The following GALNT9 variants were observed in gnomAD, a reference collection of about 807,000 sequenced individuals.
The protein encoded by GALNT9 is GalNAc transferase 9.
In GALNT9, 47 loss-of-function variants were observed where a neutral mutation model predicts 63.1. The observed-to-expected ratio is 0.75, with a 90% CI of 0.59 to 0.95. The LOEUF (loss-of-function observed/expected upper bound fraction) is 0.95. Ranked by LOEUF, GALNT9 falls within the 40% of genes least tolerant of loss-of-function variation. The probability of loss-of-function intolerance (pLI) is 0.00; values close to 1 mark genes in which losing one functional copy is unlikely to be tolerated. For synonymous variants in GALNT9, 396 were observed against 365.7 expected, an observed-to-expected ratio of 1.08 and a Z score of -0.94; for missense variants, 829 against 874.8, an observed-to-expected ratio of 0.95 and a Z score of 0.66.
chr12:132,213,220 G>T, intron 6 of GALNT9, among the ~76,000 whole-genome samples: 1 of 42,024 alleles, frequency 2.4e-5, no homozygotes, highest in South Asian at 9.3e-4. Flanking sequence ...ACCCCACCCG[G>T]TTCTGCAGCC....
intron 2 of GALNT9, among the ~76,000 whole-genome samples, chr12:132,264,440 G>T (rs1332083886): frequency 6.6e-6 from 1 of 152,248 alleles, no homozygotes; most frequent in South Asian, 2.1e-4. Flanking sequence ...GTTTGGTTTC[G>T]GGCCCGGCTT....
chr12:132,239,166 G>T (rs1304554963), intron 6 of GALNT9, among the ~76,000 whole-genome samples: 2 of 143,834 alleles, frequency 1.4e-5, no homozygotes, highest in Non-Finnish European at 3.0e-5. Context: ...ACATCTGTCA[G>T]AACCCAGGAG....
In GALNT9 at chr12:132,199,791, G is replaced by A. The variant is rs111231945; in HGVS notation, c.1402-522C>T. Among the ~76,000 whole-genome samples the A allele has an allele frequency of 2.5e-3, 378 of 152,344 alleles. 3 individuals are homozygous for A. Among genetic ancestry groups the A allele is most frequent in the African/African-American group, 8.7e-3 (360 of 41,580 alleles). ...CTCCAGCCTCCAGAACAGGCCCATC[G>A]GAGATCAGCACAGCCTGGATCAGGC... On this transcript the variant is annotated intron_variant, in intron 8 of 10. Transcript: ENST00000328957.
At chr12:132,207,690 G>A (rs974001297) in intron 6 of GALNT9, among the ~76,000 whole-genome samples, 7 of 152,168 alleles carry the variant, frequency 4.6e-5, no homozygotes, top group South Asian at 2.1e-4. Flanking sequence ...TGTCACAGCC[G>A]GGGACTGGGC....
chr12:132,311,078 C>T (rs549401270), intron 1 of GALNT9, among the ~76,000 whole-genome samples: 7 of 152,174 alleles, frequency 4.6e-5, no homozygotes, highest in Non-Finnish European at 8.8e-5. Context: ...TGGATTTAAA[C>T]AACAACATCA....
chr12:132,258,894 A>G (rs894211739), intron 4 of GALNT9, among the ~76,000 whole-genome samples: 1 of 152,204 alleles, frequency 6.6e-6, no homozygotes, highest in Non-Finnish European at 1.5e-5. Context: ...CCACTGGCTG[A>G]CACAGAGCCC....
chr12:132,302,967 A>AC (rs35765362), intron 1 of GALNT9, among the ~76,000 whole-genome samples: 54,080 of 151,840 alleles, frequency 0.36, 9,741 homozygotes, highest in Non-Finnish European at 0.38. Flanking sequence ...GTGACCGTCT[A>AC]AGGGGGGCGA....
chr12:132,253,105 T>C (rs912229716), intron 5 of GALNT9, among the ~76,000 whole-genome samples: 6 of 152,196 alleles, frequency 3.9e-5, no homozygotes, highest in African/African-American at 1.4e-4. Flanking sequence ...TATGCACTTA[T>C]AAGAAAGATC....
At chr12:132,280,893 TAA>T (rs1880311759) in intron 2 of GALNT9, 1 of 152,320 alleles carries the variant, frequency 6.6e-6, no homozygotes, top group South Asian at 2.1e-4. Context: ...TAAAGAGACT[TAA>T]CCTTTCCTGC....
At chr12:132,207,907 C>A (rs1876790962) in intron 6 of GALNT9, among the ~76,000 whole-genome samples, 1 of 152,144 alleles carries the variant, frequency 6.6e-6, no homozygotes, top group African/African-American at 2.4e-5. Context: ...ACAAGACAGC[C>A]CCCACCCCCC....
Position 132,236,633 on chromosome 12 carries a change from C to A in GALNT9, c.1077+11277G>T, listed in dbSNP as rs2136894864. ...TTCAAGAGTCCACCCTTATCTGTACCTGGTTAAAATAATCAGCGAAAACCA... is the reference window on the plus strand; with the variant it reads ...TTCAAGAGTCCACCCTTATCTGTACATGGTTAAAATAATCAGCGAAAACCA... On this transcript the variant is annotated intron_variant, in intron 6 of 10. Coordinates refer to ENST00000328957, the MANE Select transcript of GALNT9 (RefSeq NM_001122636.2). This position sits in a 1 kb window ranked among gnomAD's most constrained non-coding sequence, Gnocchi z 5.6. Among the ~76,000 whole-genome samples the A allele has an allele frequency of 6.6e-6, 1 of 152,136 alleles. No individual in the cohort carries two copies.
Position 132,316,067 on chromosome 12 carries a change from T to C in GALNT9, c.238+12899A>G, listed in dbSNP as rs1287989236. The stretch of plus-strand genomic sequence containing the variant: ...CCCCCTCACGCCTGCAGGTCTTGGG[T>C]TCCGTCATGTTTCCTCATCAGCCTT... On this transcript the variant is annotated intron_variant, in intron 1 of 10. Transcript: ENST00000328957. The surrounding 1 kb of genome is among the most constrained non-coding windows in gnomAD (Gnocchi z 4.3). 1.3e-5 allele frequency among the ~76,000 whole-genome samples: 2 copies of C among 152,004 alleles called. No homozygotes were observed. The highest frequency in any genetic ancestry group is 2.9e-5 in the Non-Finnish European group (2 of 67,996).
chr12:132,240,817 CA>C (rs2136899640), intron 6 of GALNT9: 29 of 417,462 alleles, frequency 6.9e-5, no homozygotes, highest in Non-Finnish European at 1.3e-4. Context: ...ACACCCTTCC[CA>C]AGGCCGTCCC....
chr12:132,199,085 G>T, intron 9 of GALNT9, 89 bp downstream of exon 9: 1 of 831,984 alleles, frequency 1.2e-6, no homozygotes, highest in Non-Finnish European at 2.0e-6. Flanking sequence ...CCAGCAGGCT[G>T]GACCCGTGCC....
At chr12:132,318,775 C>T (rs1046414748) in intron 1 of GALNT9, among the ~76,000 whole-genome samples, 2 of 152,232 alleles carry the variant, frequency 1.3e-5, no homozygotes, top group Non-Finnish European at 2.9e-5. Context: ...CCACTCAACC[C>T]TACACATCGT....
intron 1 of GALNT9, among the ~76,000 whole-genome samples, chr12:132,299,614 T>C (rs1451683934): frequency 1.3e-4 from 14 of 109,026 alleles, no homozygotes; most frequent in East Asian, 3.4e-4. Flanking sequence ...ACCTAACCCA[T>C]CCCTGAGATG....
At chr12:132,324,462 C>A (rs1425578465) in intron 1 of GALNT9, among the ~76,000 whole-genome samples, 1 of 151,954 alleles carries the variant, frequency 6.6e-6, no homozygotes, top group African/African-American at 2.4e-5. Flanking sequence ...TGTCCTCGTA[C>A]GGCTGACCTG....
chr12:132,249,233 A>C (rs1301153407), intron 5 of GALNT9, among the ~76,000 whole-genome samples: 1 of 152,236 alleles, frequency 6.6e-6, no homozygotes, highest in African/African-American at 2.4e-5. Flanking sequence ...TGTCAGAGGA[A>C]GCAGCAAAGC....
intron 6 of GALNT9, among the ~76,000 whole-genome samples, chr12:132,220,678 G>C (rs1007536437): frequency 6.6e-6 from 1 of 152,146 alleles, no homozygotes. Flanking sequence ...AGGAGACATC[G>C]GCAACCCTGA....
Sources: allele counts gnomAD v4.1 joint callset (sites outside exome capture counted in the v4.1 genomes callset), GRCh38; gene constraint gnomAD v4.1.1; non-coding constraint Gnocchi (gnomAD v3.1); transcripts MANE v1.5; gene names NCBI Gene and HGNC (gene_info 2026-07-23, HGNC 2026-07-21).